The following HMGB1 variants were observed in gnomAD, a reference collection of about 807,000 sequenced individuals.
The protein encoded by HMGB1 is high mobility group box 1.
For synonymous variants in HMGB1, 81 were observed against 84.0 expected, an observed-to-expected ratio of 0.96 and a Z score of 0.19; for missense variants, 79 against 253.5, an observed-to-expected ratio of 0.31 and a Z score of 4.67.
chr13:30,505,460 A>G (rs9508764), intron 1 of HMGB1, among the ~76,000 whole-genome samples: 44,874 of 149,766 alleles, frequency 0.3, 7,091 homozygotes, highest in African/African-American at 0.41. Flanking sequence ...TTACAGGTGT[A>G]AGCCACCGCG....
At chr13:30,524,700 A>AG (rs1888323439) in intron 1 of HMGB1, among the ~76,000 whole-genome samples, 1 of 13,884 alleles carries the variant, frequency 7.2e-5, no homozygotes, top group South Asian at 2.2e-3. Context: ...AAAATAAAAT[A>AG]AATAATAATA....
intron 1 of HMGB1, among the ~76,000 whole-genome samples, chr13:30,528,746 G>T (rs1888426999): frequency 6.6e-6 from 1 of 151,930 alleles, no homozygotes; most frequent in Admixed American, 6.6e-5. Context: ...TTGAATTTTG[G>T]GGCCGGGCGC....
intron 1 of HMGB1, among the ~76,000 whole-genome samples, chr13:30,589,118 G>A (rs1871273267): frequency 6.7e-6 from 1 of 150,144 alleles, no homozygotes; most frequent in African/African-American, 2.4e-5. Flanking sequence ...CGATTCTCCA[G>A]CCTCAGCCTC....
intron 1 of HMGB1, among the ~76,000 whole-genome samples, chr13:30,558,772 T>C (rs1023094619): frequency 4.6e-5 from 7 of 152,222 alleles, no homozygotes; most frequent in Non-Finnish European, 8.8e-5. Context: ...GAGCAATAGT[T>C]TTCAAGTGTG....
intron 1 of HMGB1, among the ~76,000 whole-genome samples, chr13:30,592,149 T>C (rs1871397127): frequency 6.7e-6 from 1 of 149,084 alleles, no homozygotes; most frequent in East Asian, 1.9e-4. Flanking sequence ...CTTGTCAATA[T>C]AGAATAATAT....
intron 1 of HMGB1, among the ~76,000 whole-genome samples, chr13:30,563,178 G>T (rs147849876): frequency 6.6e-6 from 1 of 152,178 alleles, no homozygotes; most frequent in Non-Finnish European, 1.5e-5. Flanking sequence ...AGGTCAAATC[G>T]ATTTCTGCAT....
chr13:30,518,917 A>G (rs77192983), intron 1 of HMGB1, among the ~76,000 whole-genome samples: 5,211 of 146,114 alleles, frequency 0.036, 290 homozygotes, highest in African/African-American at 0.12. Context: ...TTTTATTTTT[A>G]TTTTTGTAGA....
At chr13:30,467,644 ATCAT>A (rs764129359), upstream of HMGB1, among the ~76,000 whole-genome samples, 21 of 152,176 alleles carry the variant, frequency 1.4e-4, no homozygotes, top group Non-Finnish European at 2.4e-4. Context: ...CCCTCTACTA[ATCAT>A]TCAAATTTTA....
At chr13:30,538,525 TTTC>T (rs1417835057) in intron 1 of HMGB1, among the ~76,000 whole-genome samples, 2 of 141,192 alleles carry the variant, frequency 1.4e-5, no homozygotes, top group Non-Finnish European at 3.0e-5. Context: ...CTTTCTTTCC[TTTC>T]TTTCTTTCCT....
intron 1 of HMGB1, among the ~76,000 whole-genome samples, chr13:30,578,756 T>C (rs772483254): frequency 6.6e-6 from 1 of 152,230 alleles, no homozygotes; most frequent in Non-Finnish European, 1.5e-5. Context: ...TATATACCTA[T>C]ACTCTTGCTA....
intron 1 of HMGB1, among the ~76,000 whole-genome samples, chr13:30,508,923 T>A (rs886213679): frequency 2.0e-5 from 3 of 152,222 alleles, no homozygotes; most frequent in Non-Finnish European, 2.9e-5. Context: ...AATATATTCA[T>A]GAATTAATCC....
intron 1 of HMGB1, among the ~76,000 whole-genome samples, chr13:30,538,695 TTCTTTC>T (rs1258628882): frequency 7.1e-6 from 1 of 140,264 alleles, no homozygotes; most frequent in Non-Finnish European, 1.5e-5. Context: ...CTTTCTTTCT[TTCTTTC>T]TTTTTCTTTC....
At chr13:30,578,806 C>T (rs184374805) in intron 1 of HMGB1, among the ~76,000 whole-genome samples, 75 of 152,316 alleles carry the variant, frequency 4.9e-4, no homozygotes, top group Admixed American at 1.7e-3. Context: ...ACAAGTTCAA[C>T]GCTTTCAAAC....
chr13:30,480,249 G>A (rs1375636070), intron 1 of HMGB1, among the ~76,000 whole-genome samples: 2 of 152,134 alleles, frequency 1.3e-5, no homozygotes, highest in Non-Finnish European at 2.9e-5. Flanking sequence ...ACCAAAATAT[G>A]TATTCGTTAA....
chr13:30,537,404 C>T (rs1409064182), intron 1 of HMGB1, among the ~76,000 whole-genome samples: 2 of 151,858 alleles, frequency 1.3e-5, no homozygotes, highest in Admixed American at 1.3e-4. Context: ...TTTTGTGTAA[C>T]TAATACCTAG....
intron 1 of HMGB1, among the ~76,000 whole-genome samples, chr13:30,498,333 C>T (rs1887658389): frequency 1.3e-5 from 2 of 152,092 alleles, no homozygotes; most frequent in South Asian, 2.1e-4. Flanking sequence ...ATATATCCTC[C>T]CAAGGTCAAT....
rs1466479896 is a variant in HMGB1, at chr13:30,606,541, T to C, written c.-15+10130A>G. On this transcript the variant is annotated intron_variant, in intron 1 of 4. Transcript: ENST00000405805. ...AAAATTTCTTCCCTGATTAGCAAAA[T>C]AGTGCCTCCGAACACTTGAGGGTGA... Among the ~76,000 whole-genome samples, 5 of 152,300 alleles carry C rather than the reference T, an allele frequency of 3.3e-5. No individual in the cohort carries two copies. The East Asian group carries it at 9.6e-4, about 29-fold the overall frequency.
intron 1 of HMGB1, among the ~76,000 whole-genome samples, chr13:30,495,076 C>T (rs1305608252): frequency 6.6e-6 from 1 of 152,178 alleles, no homozygotes; most frequent in African/African-American, 2.4e-5. Context: ...ATTTATCCAT[C>T]GACGGACAAT....
intron 1 of HMGB1, chr13:30,554,712 CAT>C: frequency 1.3e-6 from 1 of 770,106 alleles, no homozygotes; most frequent in Non-Finnish European, 2.4e-6. Flanking sequence ...TCTACGGAAA[CAT>C]ATTCTAGAGG....
Sources: allele counts gnomAD v4.1 joint callset (sites outside exome capture counted in the v4.1 genomes callset), GRCh38; gene constraint gnomAD v4.1.1; transcripts MANE v1.5; gene names NCBI Gene and HGNC (gene_info 2026-07-23, HGNC 2026-07-21).